The following FBXL2 variants were observed in gnomAD, a reference collection of about 807,000 sequenced individuals.
FBXL2 encodes F-box/LRR-repeat protein 2.
Under a neutral mutation model 69.2 loss-of-function variants are expected in FBXL2, and 38 were observed. That is an observed-to-expected ratio of 0.55 (90% CI 0.42 to 0.72). FBXL2 has a LOEUF of 0.72. FBXL2 is among the 30% of genes least tolerant of loss of function. FBXL2 has a pLI of 0.00. For missense variants in FBXL2, 354 were observed against 520.3 expected, an observed-to-expected ratio of 0.68 and a Z score of 3.11; for synonymous variants, 192 against 201.3, an observed-to-expected ratio of 0.95 and a Z score of 0.39.
chr3:33,378,912 C>T, intron 13 of FBXL2, 171 bp downstream of exon 13: 1 of 1,281,186 alleles, frequency 7.8e-7, no homozygotes, highest in Non-Finnish European at 1.0e-6. Context: ...TTGATTACTG[C>T]TTTCATTGAA....
chr3:33,403,496 CTAT>C (rs1476435131), exon 13 of FBXL2: 5 of 88,834 alleles, frequency 5.6e-5, no homozygotes, highest in African/African-American at 1.5e-4. Context: ...CTCTATCTAT[CTAT>C]CTATCTATCT....
intron 1 of FBXL2, among the ~76,000 whole-genome samples, chr3:33,293,690 G>A (rs1199839258): frequency 1.3e-5 from 2 of 151,910 alleles, no homozygotes; most frequent in African/African-American, 2.4e-5. Context: ...TGATTCACTA[G>A]TCTTTGTAAT....
chr3:33,390,176 A>T (rs546005510), downstream of FBXL2: 1 of 698,576 alleles, frequency 1.4e-6, no homozygotes, highest in African/African-American at 1.8e-5. Flanking sequence ...GAGGAGATTC[A>T]CCTCTCATAC....
chr3:33,300,383 G>A (rs1203536132), intron 2 of FBXL2: 2 of 152,168 alleles, frequency 1.3e-5, no homozygotes, highest in African/African-American at 4.8e-5. Flanking sequence ...GAATTCTGGA[G>A]GTTGTCATCA....
chr3:33,405,125 A>G (rs1397016400), downstream of FBXL2, among the ~76,000 whole-genome samples: 1 of 152,168 alleles, frequency 6.6e-6, no homozygotes, highest in Non-Finnish European at 1.5e-5. Context: ...TTTTAGGGTG[A>G]TCATTTAAAA....
At chr3:33,402,954 G>T in intron 12 of FBXL2, 1 of 1,466,366 alleles carries the variant, frequency 6.8e-7, no homozygotes. Flanking sequence ...AAAATATGTG[G>T]AAGAAATATT....
At chr3:33,362,505 A>T (rs1020020308) in intron 4 of FBXL2, among the ~76,000 whole-genome samples, 3 of 152,194 alleles carry the variant, frequency 2.0e-5, no homozygotes, top group African/African-American at 7.2e-5. Context: ...TTAGTTGGAA[A>T]CAGTGGAACA....
downstream of FBXL2, chr3:33,392,764 T>C (rs569202058): frequency 5.9e-6 from 4 of 675,640 alleles, no homozygotes; most frequent in Non-Finnish European, 9.9e-6. Context: ...GCAGCAAAGA[T>C]GCACACGTGC....
At chr3:33,412,287 C>T in the FBXL2 span, among the ~76,000 whole-genome samples, 3 of 151,160 alleles carry the variant, frequency 2.0e-5, no homozygotes, top group East Asian at 3.9e-4. Flanking sequence ...AGCTACTTGA[C>T]GTTTTAACTA....
In FBXL2 at chr3:33,373,745, G is replaced by A. The variant is rs780241198; in HGVS notation, c.582+41G>A. ...TACAGCTGTTTGTGTTATGTGTCAG[G>A]TGTGGGCACATCATCCAGAAAGCTG... On this transcript the variant is annotated intron_variant, in intron 8 of 14. Transcript: ENST00000484457. 6.2e-6 allele frequency: 10 copies of A among 1,614,020 alleles called. No individual in the cohort carries two copies. The South Asian group carries it at 6.6e-5, about 11-fold the overall frequency.
chr3:33,292,201 G>A (rs2035295867), intron 1 of FBXL2, among the ~76,000 whole-genome samples: 1 of 152,126 alleles, frequency 6.6e-6, no homozygotes, highest in African/African-American at 2.4e-5. Flanking sequence ...CAAACATGGT[G>A]AAACCCCATC....
At chr3:33,410,616 C>T in the FBXL2 span, among the ~76,000 whole-genome samples, 1 of 152,124 alleles carries the variant, frequency 6.6e-6, no homozygotes, top group African/African-American at 2.4e-5. Flanking sequence ...TATTACCTAC[C>T]TGGTAGTTTA....
intron 12 of FBXL2, chr3:33,396,700 A>T (rs2044009633): frequency 4.1e-6 from 2 of 485,530 alleles, no homozygotes; most frequent in Non-Finnish European, 7.9e-6. Flanking sequence ...ATAACTGTTT[A>T]GTAATAGTCA....
At chr3:33,286,988 G>T (rs985479981) in intron 1 of FBXL2, among the ~76,000 whole-genome samples, 1 of 152,118 alleles carries the variant, frequency 6.6e-6, no homozygotes, top group Admixed American at 6.5e-5. Context: ...GCGCTTTCCA[G>T]GTGAGGCAAT....
At chr3:33,393,365 T>C in intron 12 of FBXL2, 1 of 1,613,276 alleles carries the variant, frequency 6.2e-7, no homozygotes, top group Non-Finnish European at 8.5e-7. Flanking sequence ...TAAACCTGAT[T>C]AATTTGGTGG....
intron 2 of FBXL2, among the ~76,000 whole-genome samples, chr3:33,330,972 C>A (rs1443782121): frequency 6.6e-6 from 1 of 150,514 alleles, no homozygotes; most frequent in Non-Finnish European, 1.5e-5. Context: ...ATAAAATATT[C>A]TATGTTGTAT....
intron 2 of FBXL2, among the ~76,000 whole-genome samples, chr3:33,305,870 A>G (rs1301103854): frequency 1.3e-5 from 2 of 151,738 alleles, no homozygotes; most frequent in African/African-American, 4.8e-5. Flanking sequence ...ACTCTGCTGT[A>G]TCTGTTGTAA....
At chr3:33,398,346 G>A (rs1203901247) in intron 12 of FBXL2, 1 of 152,194 alleles carries the variant, frequency 6.6e-6, no homozygotes, top group Non-Finnish European at 1.5e-5. Context: ...TGAGACATGA[G>A]CATTAATAGA....
In FBXL2 at chr3:33,386,313, AGCTCTG is replaced by A. The variant is rs1267106891; in HGVS notation, c.*707_*712del. On this transcript the variant is annotated 3_prime_UTR_variant, in exon 15 of 15. Coordinates refer to ENST00000484457, the MANE Select transcript of FBXL2 (RefSeq NM_012157.5). The stretch of plus-strand genomic sequence containing the variant: ...CTGTGTTGCCTGATTGGAAAGTAGA[AGCTCTG>A]GTGTATGCTACAGCACATAACACAT... The A allele has an allele frequency of 1.3e-5, 2 of 152,928 alleles. No homozygotes were observed. The highest frequency in any genetic ancestry group is 1.3e-4 in the Admixed American group (2 of 15,322). The allele number at this position is 152,928 out of a possible 1,614,324, so 9.5% of individuals were successfully genotyped here. A position where few individuals can be genotyped will look rare whatever the true frequency, so the allele number is the denominator to read the frequency against.
Sources: allele counts gnomAD v4.1 joint callset (sites outside exome capture counted in the v4.1 genomes callset), GRCh38; gene constraint gnomAD v4.1.1; transcripts MANE v1.5; gene names NCBI Gene and HGNC (gene_info 2026-07-23, HGNC 2026-07-21).